The following OPHN1 variants were observed in gnomAD, a reference collection of about 807,000 sequenced individuals.
OPHN1 encodes the protein oligophrenin-1.
A neutral mutation model predicts 60.7 loss-of-function variants in OPHN1; 11 were observed. The ratio of observed to expected loss-of-function variants is 0.18; its 90% CI spans 0.11 to 0.30. OPHN1 has a LOEUF of 0.30. Among genes scored for constraint, OPHN1 ranks in the 10% least tolerant of loss-of-function variants. The pLI is 1.00. For missense variants in OPHN1, 449 were observed against 611.0 expected (o/e 0.73, Z 2.80); for synonymous variants, 226 against 222.6 (o/e 1.02, Z -0.14).
rs149759545 is a variant in OPHN1, at chrX:68,064,004, C to T, written c.2008G>A (p.Val670Met). ...TGCAGCCTAGACACCAACTTCCCCA[C>T]GTCCACCTCTGGGCAGGGCTCCAAC... is the stretch of plus-strand genomic sequence containing the variant. ...GKLEPCPEVD[V>M]GKLVSRLQDG... Residue 670 changes from valine (V) to methionine (M), a missense_variant, in exon 21 of 25, where the codon GTG becomes ATG. By Grantham distance (21) the Val-to-Met change is conservative. Coordinates refer to ENST00000355520, the MANE Select transcript of OPHN1 (RefSeq NM_002547.3). 7 of 1,207,463 alleles carry T rather than the reference C, an allele frequency of 5.8e-6. No individual in the cohort carries two copies. The African/African-American group carries it at 7.1e-5, about 12-fold the overall frequency.
chrX:68,405,081 C>A (rs2078735365), intron 2 of OPHN1, among the ~76,000 whole-genome samples: 1 of 111,774 alleles, frequency 8.9e-6, no homozygotes, highest in Non-Finnish European at 1.9e-5. Flanking sequence ...TTTTTCACCA[C>A]AATTTTAAAA....
intron 15 of OPHN1, among the ~76,000 whole-genome samples, chrX:68,129,620 A>G (rs1288049620): frequency 8.9e-6 from 1 of 112,267 alleles, no homozygotes; most frequent in East Asian, 2.8e-4. Context: ...TTCTCACACA[A>G]TGCTATTTTT....
chrX:68,335,798 C>T (rs1194083045), intron 2 of OPHN1, among the ~76,000 whole-genome samples: 1 of 111,089 alleles, frequency 9.0e-6, no homozygotes, highest in African/African-American at 3.3e-5. Flanking sequence ...GCACGGGTGG[C>T]GTGCACCTGT....
At chrX:68,130,883 T>C (rs2077191439) in intron 15 of OPHN1, among the ~76,000 whole-genome samples, 2 of 110,744 alleles carry the variant, frequency 1.8e-5, no homozygotes, top group Non-Finnish European at 3.8e-5. Flanking sequence ...AGCCTAAGAG[T>C]AATCTAAATC....
At chrX:68,227,336 T>C (rs1422753994) in intron 6 of OPHN1, among the ~76,000 whole-genome samples, 13 of 110,602 alleles carry the variant, frequency 1.2e-4, no homozygotes. Flanking sequence ...CTGTCAACAT[T>C]AAACAGATCA....
At chrX:68,083,973 G>A (rs1402102544) in intron 19 of OPHN1, among the ~76,000 whole-genome samples, 4 of 110,432 alleles carry the variant, frequency 3.6e-5, no homozygotes, top group Non-Finnish European at 7.6e-5. Flanking sequence ...ATCACTGAAC[G>A]CATATCACCA....
At chrX:68,246,064 C>G (rs2077804203) in intron 5 of OPHN1, among the ~76,000 whole-genome samples, 1 of 111,576 alleles carries the variant, frequency 9.0e-6, no homozygotes, top group African/African-American at 3.3e-5. Flanking sequence ...CTCGGCCTCT[C>G]AAAGTACGGG....
chrX:68,270,404 T>C lies in OPHN1; in HGVS notation c.384+4334A>G, dbSNP rs763078078. On this transcript the variant is annotated intron_variant, in intron 5 of 24. Transcript: ENST00000355520. ...CACATATACACCATGGAATACTATG[T>C]AGCCATAAAAAAGGATGAGTTCATG... Among the ~76,000 whole-genome samples the C allele has an allele frequency of 7.8e-3, 865 of 110,208 alleles. 7 individuals are homozygous for C. Among genetic ancestry groups the C allele is most frequent in the African/African-American group, 0.027 (815 of 30,294 alleles).
chrX:68,053,861 C>A, intron 21 of OPHN1, 51 bp from the exon 22 acceptor site: 1 of 1,172,293 alleles, frequency 8.5e-7, no homozygotes, highest in Admixed American at 2.3e-5. Flanking sequence ...AAACAGAACA[C>A]TACTCATGAG....
At chrX:68,356,539 A>T (rs1247461081) in intron 2 of OPHN1, among the ~76,000 whole-genome samples, 1 of 110,050 alleles carries the variant, frequency 9.1e-6, no homozygotes, top group Non-Finnish European at 1.9e-5. Flanking sequence ...TGGCCTCCCG[A>T]GGAGCTGGGA....
intron 2 of OPHN1, among the ~76,000 whole-genome samples, chrX:68,396,944 G>T (rs1016219827): frequency 8.9e-6 from 1 of 111,913 alleles, no homozygotes; most frequent in Non-Finnish European, 1.9e-5. Context: ...CCCCCCAGGG[G>T]CATAGGACTC....
intron 10 of OPHN1, among the ~76,000 whole-genome samples, 188 bp from the exon 11 acceptor site, chrX:68,201,898 G>A (rs747825108): frequency 3.6e-5 from 4 of 111,692 alleles, no homozygotes; most frequent in Middle Eastern, 4.7e-3. Context: ...GTTTCTCCCC[G>A]CTCCAAGAAT....
At chrX:68,227,410 A>G (rs2077701064) in intron 6 of OPHN1, among the ~76,000 whole-genome samples, 1 of 111,400 alleles carries the variant, frequency 9.0e-6, no homozygotes, top group Non-Finnish European at 1.9e-5. Context: ...AGCGGACCTA[A>G]TAGACATCTA....
intron 19 of OPHN1, among the ~76,000 whole-genome samples, chrX:68,085,755 G>A (rs905646914): frequency 1.8e-5 from 2 of 112,069 alleles, no homozygotes; most frequent in African/African-American, 6.5e-5. Context: ...GCTGACAAGG[G>A]AGTTAGAATA....
At chrX:68,200,915 C>G (rs377105009) in intron 11 of OPHN1, among the ~76,000 whole-genome samples, 1 of 111,917 alleles carries the variant, frequency 8.9e-6, no homozygotes, top group Non-Finnish European at 1.9e-5. Flanking sequence ...TTTGGTACAA[C>G]CACCCAACTA....
chrX:68,341,662 C>T (rs1180664301), intron 2 of OPHN1, among the ~76,000 whole-genome samples: 1 of 110,005 alleles, frequency 9.1e-6, no homozygotes, highest in African/African-American at 3.3e-5. Context: ...AGGGAAACCC[C>T]GTCTCTACAA....
At chrX:68,083,134 G>A (rs1455752223) in intron 19 of OPHN1, among the ~76,000 whole-genome samples, 3 of 88,247 alleles carry the variant, frequency 3.4e-5, no homozygotes, top group African/African-American at 8.5e-5. Context: ...CTGCAGTGGC[G>A]CAATCTCGGC....
chrX:68,117,636 G>T (rs1272148918), intron 16 of OPHN1, among the ~76,000 whole-genome samples: 1 of 111,913 alleles, frequency 8.9e-6, no homozygotes, highest in Non-Finnish European at 1.9e-5. Flanking sequence ...AAAAATAGGG[G>T]AGAGAGAAGG....
intron 15 of OPHN1, among the ~76,000 whole-genome samples, chrX:68,163,465 T>C (rs1378296557): frequency 9.6e-6 from 1 of 104,399 alleles, no homozygotes; most frequent in East Asian, 3.0e-4. Context: ...TGTGTATATA[T>C]ACCACAATTT....
Sources: gnomAD v4.1 joint callset for allele counts (sites outside exome capture counted in the v4.1 genomes callset) on GRCh38, gnomAD v4.1.1 for gene constraint, MANE v1.5 for transcripts, NCBI Gene and HGNC (gene_info 2026-07-23, HGNC 2026-07-21) for gene names.